PLXNA2: variants seen among roughly 807,000 people sequenced by gnomAD.
PLXNA2 encodes the protein plexin-A2.
Under a neutral mutation model 193.5 loss-of-function variants are expected in PLXNA2, and 91 were observed. That is an observed-to-expected ratio of 0.47 (90% CI 0.40 to 0.56). PLXNA2 has a LOEUF of 0.56. PLXNA2 is among the 20% of genes least tolerant of loss of function. PLXNA2 has a pLI of 0.00. For synonymous variants in PLXNA2, 997 were observed against 1,027.3 expected (o/e 0.97, Z 0.56); for missense variants, 1,995 against 2,503.2 (o/e 0.80, Z 4.33).
chr1:208,179,653 C>T (rs1195949228), intron 3 of PLXNA2, among the ~76,000 whole-genome samples: 1 of 152,172 alleles, frequency 6.6e-6, no homozygotes, highest in African/African-American at 2.4e-5. Flanking sequence ...GCTCTATTAG[C>T]CTCTCTCAGA....
At chr1:208,108,133 G>A (rs528884422) in intron 4 of PLXNA2, among the ~76,000 whole-genome samples, 3 of 152,258 alleles carry the variant, frequency 2.0e-5, no homozygotes, top group Non-Finnish European at 4.4e-5. Context: ...AGTGCAGAGT[G>A]TGGGGCAGTT....
intron 4 of PLXNA2, among the ~76,000 whole-genome samples, chr1:208,135,045 G>A (rs148711684): frequency 6.6e-6 from 1 of 152,164 alleles, no homozygotes; most frequent in African/African-American, 2.4e-5. Flanking sequence ...ACCACAATTA[G>A]TTTTCTGGTG....
At chr1:208,049,181 C>T (rs1665171402) in intron 17 of PLXNA2, among the ~76,000 whole-genome samples, 1 of 152,340 alleles carries the variant, frequency 6.6e-6, no homozygotes, top group African/African-American at 2.4e-5. Flanking sequence ...CCCTGTGACC[C>T]CTGGGGCATG....
rs200814952 is a variant in PLXNA2, at chr1:208,098,966, G to A, written c.1611C>T (p.Cys537=). 3.1e-6 allele frequency: 5 copies of A among 1,589,934 alleles called. No individual in the cohort carries two copies. The highest frequency in any genetic ancestry group is 3.6e-5 in the Admixed American group (2 of 56,308). ...HCGWCALHNM[C]SRRDKCQQAW... ...CCTGTTGGCATTTGTCCCTGCGGGA[G>A]CACCTGCCATAAACACAGATTCACA... The change falls in exon 6 of 32, where the codon TGC becomes TGT. Residue 537 remains cysteine (C), a synonymous_variant. Transcript: ENST00000367033.
intron 1 of PLXNA2, among the ~76,000 whole-genome samples, chr1:208,233,182 CCT>C (rs1491091927): frequency 6.6e-6 from 1 of 152,110 alleles, no homozygotes; most frequent in East Asian, 1.9e-4. Context: ...GCGTGCATAC[CCT>C]CTCTTGCCAG....
Position 208,050,931 on chromosome 1 carries a change from C to G in PLXNA2, c.3255+78G>C, listed in dbSNP as rs868347483. On this transcript the variant is annotated intron_variant, in intron 17 of 31. Coordinates refer to ENST00000367033, the MANE Select transcript of PLXNA2 (RefSeq NM_025179.4). ...AGTATTCAGAGGCTCCAGTGCCTAA[C>G]CCAGAGCTCATCCCATTGCAAAACA... 43 of 1,058,676 alleles carry G rather than the reference C, an allele frequency of 4.1e-5. No homozygotes were observed. The Middle Eastern group carries it at 6.1e-4, about 15-fold the overall frequency. 65.6% of individuals were successfully genotyped at this position (1,058,676 alleles called of 1,614,324 possible). A position where few individuals can be genotyped will look rare whatever the true frequency, so the allele number is the denominator to read the frequency against.
Position 208,083,710 on chromosome 1 carries a change from G to C in PLXNA2, c.2298+670C>G, listed in dbSNP as rs1431057531. ...GAGACAGGGAGCTGGCAGATAAAAA[G>C]ATCTTCTTGGGGTTAGTATTATAAT... On this transcript the variant is annotated intron_variant, in intron 10 of 31. Coordinates refer to ENST00000367033, the MANE Select transcript of PLXNA2 (RefSeq NM_025179.4). Among the ~76,000 whole-genome samples the C allele has an allele frequency of 3.9e-5, 6 of 152,136 alleles. No homozygotes were observed. The East Asian group carries it at 1.2e-3, about 29-fold the overall frequency.
intron 28 of PLXNA2, among the ~76,000 whole-genome samples, chr1:208,032,414 T>G (rs1019147847): frequency 2.0e-5 from 3 of 152,150 alleles, no homozygotes; most frequent in Admixed American, 6.5e-5. Flanking sequence ...TTCTGTTATC[T>G]CTTTGTTGGT....
intron 12 of PLXNA2, among the ~76,000 whole-genome samples, chr1:208,076,562 G>T (rs935105934): frequency 1.3e-5 from 2 of 152,068 alleles, no homozygotes; most frequent in Non-Finnish European, 2.9e-5. Flanking sequence ...AGGTATTTTT[G>T]GTACTTTTGC....
At chr1:208,030,070 G>T (rs889885834) in intron 29 of PLXNA2, 1 of 985,490 alleles carries the variant, frequency 1.0e-6, no homozygotes, top group Middle Eastern at 5.2e-4. Context: ...TCTTGGGGAA[G>T]ATCTGCTTTA....
chr1:208,208,633 T>C (rs1421323470), intron 3 of PLXNA2, among the ~76,000 whole-genome samples: 5 of 152,326 alleles, frequency 3.3e-5, no homozygotes, highest in Non-Finnish European at 4.4e-5. Context: ...ACACATGACC[T>C]GGAGCAGTGA....
At chr1:208,194,161 G>A (rs1019344278) in intron 3 of PLXNA2, among the ~76,000 whole-genome samples, 9 of 151,744 alleles carry the variant, frequency 5.9e-5, no homozygotes, top group Non-Finnish European at 5.9e-5. Context: ...CAGTTCCCCT[G>A]GTATGTTGTG....
In PLXNA2 at chr1:208,156,910, A is replaced by G. The variant is rs1292039174; in HGVS notation, c.1372-14447T>C. Among the ~76,000 whole-genome samples, 2 of 152,202 alleles carry G rather than the reference A, an allele frequency of 1.3e-5. 1 individual carries two copies. The highest frequency in any genetic ancestry group is 2.9e-5 in the Non-Finnish European group (2 of 68,040). On this transcript the variant is annotated intron_variant, in intron 3 of 31. Transcript: ENST00000367033. ...GCTTCCTTTTCCCTCACAGCCTCAT[A>G]TACTTATTTTTCAGCATTTGTTACT...
intron 1 of PLXNA2, among the ~76,000 whole-genome samples, chr1:208,238,863 G>A (rs1324246466): frequency 1.3e-5 from 2 of 152,220 alleles, no homozygotes; most frequent in East Asian, 1.9e-4. Context: ...TTGCTGATAA[G>A]AACGGCAAGG....
rs139452639 is a variant in PLXNA2 at position 208,119,580 on chromosome 1, C to T, written c.1507-16333G>A. On this transcript the variant is annotated intron_variant, in intron 4 of 31. Coordinates refer to ENST00000367033, the MANE Select transcript of PLXNA2 (RefSeq NM_025179.4). ...TCACAGAAAGAGACCAAGAGATTGG[C>T]TGAGTTTCTCTGGAACTTCCTTTTT... is the stretch of plus-strand genomic sequence containing the variant. Among the ~76,000 whole-genome samples, 24 of 152,316 alleles carry T rather than the reference C, an allele frequency of 1.6e-4. No individual in the cohort carries two copies. In the East Asian group the frequency reaches 4.4e-3, roughly 28 times the overall value.
Position 208,243,873 on chromosome 1 carries a change from C to G in PLXNA2, c.-311G>C, listed in dbSNP as rs1011879728. 6.6e-6 allele frequency: 1 copy of G among 152,340 alleles called. No homozygotes were observed. Among genetic ancestry groups the G allele is most frequent in the Non-Finnish European group, 1.5e-5 (1 of 68,136 alleles). 9.4% of individuals were successfully genotyped at this position (152,340 alleles called of 1,614,324 possible). A position where few individuals can be genotyped will look rare whatever the true frequency, so the allele number is the denominator to read the frequency against. ...CCGCTCCGCGCGCCCCTCAGTCCTCCGTCGCCCCGCAGCAGCCCGGCTGGG... is the reference window on the plus strand; with the variant it reads ...CCGCTCCGCGCGCCCCTCAGTCCTCGGTCGCCCCGCAGCAGCCCGGCTGGG... On this transcript the variant is annotated 5_prime_UTR_variant, in exon 1 of 32. Transcript: ENST00000367033.
At chr1:208,156,774 T>C (rs1668952115) in intron 3 of PLXNA2, among the ~76,000 whole-genome samples, 1 of 152,200 alleles carries the variant, frequency 6.6e-6, no homozygotes, top group East Asian at 1.9e-4. Flanking sequence ...TTTATTCAAC[T>C]TTTAGCAGAG....
rs748431415 is a variant in PLXNA2, at chr1:208,075,919, G to A, written c.2586+3341C>T. Among the ~76,000 whole-genome samples, 9 of 152,066 alleles carry A rather than the reference G, an allele frequency of 5.9e-5. No homozygotes were observed. The South Asian group carries it at 8.3e-4, about 14-fold the overall frequency. On this transcript the variant is annotated intron_variant, in intron 12 of 31. Transcript: ENST00000367033. The stretch of plus-strand genomic sequence containing the variant: ...CTAAAAATACAAAAATTAGCCAGGC[G>A]TGGTGGTGCATGCCTGTTGTCCCAG...
At chr1:208,126,755 G>A (rs1386091404) in intron 4 of PLXNA2, among the ~76,000 whole-genome samples, 2 of 152,216 alleles carry the variant, frequency 1.3e-5, no homozygotes, top group African/African-American at 2.4e-5. Flanking sequence ...ATTTGGAAGC[G>A]TGTTCAGAGC....
Sources: gnomAD v4.1 joint callset for allele counts (sites outside exome capture counted in the v4.1 genomes callset) on GRCh38, gnomAD v4.1.1 for gene constraint, MANE v1.5 for transcripts, NCBI Gene and HGNC (gene_info 2026-07-23, HGNC 2026-07-21) for gene names.